TBX18: variants seen among roughly 807,000 people sequenced by gnomAD.
TBX18 encodes the protein T-box transcription factor 18, also known as T-box transcription factor TBX18.
TBX18 carries 21 observed loss-of-function variants against 55.0 expected under a neutral mutation model. The ratio of observed to expected loss-of-function variants is 0.38; its 90% CI spans 0.27 to 0.55. The LOEUF (loss-of-function observed/expected upper bound fraction) is 0.55. TBX18 is among the 20% of genes least tolerant of loss of function. TBX18 has a pLI of 0.73. For synonymous variants in TBX18, 342 were observed against 326.1 expected, an observed-to-expected ratio of 1.05 and a Z score of -0.53; for missense variants, 840 against 799.6, an observed-to-expected ratio of 1.05 and a Z score of -0.61.
In TBX18 at chr6:84,763,873, G is replaced by T; in HGVS notation, c.292+17C>A. On this transcript the variant is annotated intron_variant, in intron 1 of 7. Coordinates refer to ENST00000369663, the MANE Select transcript of TBX18 (RefSeq NM_001080508.3). ...TCGCGCCGGAGAGAAGTTATAGGCA[G>T]GAAGGGGCCCACTCACCCGCGGCTC... is the stretch of plus-strand genomic sequence containing the variant. The T allele has an allele frequency of 6.7e-7, 1 of 1,484,480 alleles. No homozygotes were observed. Among genetic ancestry groups the T allele is most frequent in the Non-Finnish European group, 8.9e-7 (1 of 1,126,622 alleles). 92.0% of individuals were successfully genotyped at this position (1,484,480 alleles called of 1,614,324 possible).
intron 3 of TBX18, among the ~76,000 whole-genome samples, chr6:84,759,423 C>G (rs550127240): frequency 4.1e-4 from 63 of 152,074 alleles, no homozygotes; most frequent in Middle Eastern, 3.4e-3. Flanking sequence ...CGAAGACAAG[C>G]AAAATTTAAA....
rs370311927 is a variant in TBX18, at chr6:84,762,780, G to A, written c.293-32C>T. 3 of 1,564,736 alleles carry A rather than the reference G, an allele frequency of 1.9e-6. No individual in the cohort carries two copies. In the African/African-American group the frequency reaches 4.1e-5, roughly 21 times the overall value. On this transcript the variant is annotated intron_variant, in intron 1 of 7. Coordinates refer to ENST00000369663, the MANE Select transcript of TBX18 (RefSeq NM_001080508.3). ...AGCAAAGGACAGAGAAAGGGAACTG[G>A]TGAGGGAAACAGAGGGGAAGCCAGC...
intron 2 of TBX18, among the ~76,000 whole-genome samples, chr6:84,761,995 T>A (rs1455169734): frequency 6.6e-6 from 1 of 152,176 alleles, no homozygotes. Flanking sequence ...TGTGGGTGAG[T>A]CCAGTGACTT....
chr6:84,763,789 C>T (rs374052418), intron 1 of TBX18, 101 bp downstream of exon 1: 11 of 1,422,978 alleles, frequency 7.7e-6, no homozygotes, highest in African/African-American at 7.4e-5. Flanking sequence ...GGCTGAGTGG[C>T]CTTGGCCATG....
chr6:84,753,988 CAT>C (rs1436794522), intron 4 of TBX18, among the ~76,000 whole-genome samples: 6 of 152,148 alleles, frequency 3.9e-5, no homozygotes, highest in Non-Finnish European at 8.8e-5. Context: ...AGTGCAGTGG[CAT>C]GATCTCAGCT....
chr6:84,764,012 C>A lies in TBX18; in HGVS notation c.170G>T (p.Arg57Leu), dbSNP rs759855954. Residue 57 changes from arginine (R) to leucine (L), a missense_variant, in exon 1 of 8, where the codon CGC becomes CTC. Transcript: ENST00000369663. Reference protein sequence around the residue: ...AGAVDDGGCSRGGGAGEKGSS... With the variant: ...AGAVDDGGCSLGGGAGEKGSS... ...ACCCTTTTCGCCCGCGCCGCCGCCG[C>A]GGCTGCAGCCTCCGTCGTCCACGGC... 1.8e-5 allele frequency: 28 copies of A among 1,557,180 alleles called. No homozygotes were observed. Among genetic ancestry groups the A allele is most frequent in the Non-Finnish European group, 1.3e-5 (15 of 1,155,218 alleles).
intron 1 of TBX18, chr6:84,763,477 C>A: frequency 2.1e-6 from 1 of 471,276 alleles, no homozygotes; most frequent in Non-Finnish European, 4.2e-6. Flanking sequence ...TTTGCACAAA[C>A]GGTTTAGGGC....
In TBX18 at chr6:84,736,330, A is replaced by G. The variant is rs982928688; in HGVS notation, c.*355T>C. The stretch of plus-strand genomic sequence containing the variant: ...GAGCATTTTTCTGATAAATTAAGTT[A>G]TAAGTGTTCTTCTGGATAGTATAAT... On this transcript the variant is annotated 3_prime_UTR_variant, in exon 8 of 8. Transcript: ENST00000369663. 2.5e-5 allele frequency: 4 copies of G among 161,920 alleles called. No homozygotes were observed. The highest frequency in any genetic ancestry group is 5.4e-5 in the Non-Finnish European group (4 of 74,684). 10.0% of individuals were successfully genotyped at this position (161,920 alleles called of 1,614,324 possible). A position where few individuals can be genotyped will look rare whatever the true frequency, so the allele number is the denominator to read the frequency against.
intron 3 of TBX18, among the ~76,000 whole-genome samples, chr6:84,759,285 T>C (rs1562266439): frequency 6.6e-6 from 1 of 152,142 alleles, no homozygotes; most frequent in African/African-American, 2.4e-5. Flanking sequence ...ATCTGTGTAC[T>C]TTTGATACCA....
intron 3 of TBX18, among the ~76,000 whole-genome samples, chr6:84,758,496 T>C (rs1767556859): frequency 6.6e-6 from 1 of 152,144 alleles, no homozygotes; most frequent in Non-Finnish European, 1.5e-5. Context: ...TTGTGGGCTT[T>C]TGTGAATATT....
intron 4 of TBX18, among the ~76,000 whole-genome samples, 199 bp from the exon 5 acceptor site, chr6:84,748,286 A>G (rs546596925): frequency 6.2e-4 from 95 of 152,350 alleles, no homozygotes; most frequent in African/African-American, 2.2e-3. Flanking sequence ...AAAATACAAA[A>G]TAAAAAGCAC....
chr6:84,756,045 G>A (rs1485378463), intron 4 of TBX18, among the ~76,000 whole-genome samples: 1 of 152,164 alleles, frequency 6.6e-6, no homozygotes, highest in African/African-American at 2.4e-5. Flanking sequence ...AAATCAGCAT[G>A]TATCCAGTTA....
intron 6 of TBX18, chr6:84,741,236 T>C (rs768552799): frequency 2.0e-5 from 3 of 152,248 alleles, no homozygotes; most frequent in Admixed American, 1.3e-4. Context: ...AGGCACCTCC[T>C]GCAGGAGTGC....
intron 6 of TBX18, among the ~76,000 whole-genome samples, 188 bp from the exon 7 acceptor site, chr6:84,738,779 C>G (rs113727279): frequency 2.6e-5 from 4 of 152,282 alleles, no homozygotes; most frequent in African/African-American, 7.2e-5. Flanking sequence ...TTACCAGCAG[C>G]AGGAGAGAAC....
intron 4 of TBX18, among the ~76,000 whole-genome samples, chr6:84,751,428 C>G (rs1408199795): frequency 6.6e-6 from 1 of 152,150 alleles, no homozygotes. Flanking sequence ...AAGCAACTAT[C>G]AATAGTAATC....
At chr6:84,756,964 G>A in intron 3 of TBX18, 95 bp from the exon 4 acceptor site, 2 of 1,215,670 alleles carry the variant, frequency 1.6e-6, no homozygotes, top group Non-Finnish European at 2.3e-6. Flanking sequence ...TTTTGTTTCA[G>A]TTTTAAAATA....
At position 84,760,359 on chromosome 6, in the gene TBX18, A is replaced by G. The variant is rs1179250699; in HGVS notation, c.498-3T>C. On this transcript the variant is annotated splice_polypyrimidine_tract_variant and splice_region_variant and intron_variant, in intron 2 of 7. Transcript: ENST00000369663. The stretch of plus-strand genomic sequence containing the variant: ...CTCTCATTGCTGGAAACATGCGCCT[A>G]TTTAAAAAGGCGAAGAGAAAGAGGG... 2 of 1,594,122 alleles carry G rather than the reference A, an allele frequency of 1.3e-6. No individual in the cohort carries two copies. The highest frequency in any genetic ancestry group is 1.3e-5 in the African/African-American group (1 of 74,414).
intron 4 of TBX18, 39 bp from the exon 5 acceptor site, chr6:84,748,126 T>A: frequency 6.5e-7 from 1 of 1,532,462 alleles, no homozygotes. Context: ...ATCAGAAGCC[T>A]CTGCCCAACC....
chr6:84,750,057 G>A (rs1038330004), intron 4 of TBX18, among the ~76,000 whole-genome samples: 6 of 152,064 alleles, frequency 3.9e-5, no homozygotes, highest in African/African-American at 2.4e-5. Context: ...AGGCCGAGGT[G>A]GGTGGATCAC....
Sources: gnomAD v4.1 joint callset for allele counts (sites outside exome capture counted in the v4.1 genomes callset) on GRCh38, gnomAD v4.1.1 for gene constraint, MANE v1.5 for transcripts, NCBI Gene and HGNC (gene_info 2026-07-23, HGNC 2026-07-21) for gene names.